Variants in PLCG1 observed in about 807,000 individuals in gnomAD.
The protein encoded by PLCG1 is phospholipase C gamma 1.
Under a neutral mutation model 177.8 loss-of-function variants are expected in PLCG1, and 71 were observed. The observed-to-expected ratio is 0.40, with a 90% CI of 0.33 to 0.49. The LOEUF (loss-of-function observed/expected upper bound fraction) is 0.49, where lower values mean the gene tolerates loss of function less well. Among genes scored for constraint, PLCG1 ranks in the 20% least tolerant of loss-of-function variants. The pLI is 0.72. For synonymous variants in PLCG1, 658 were observed against 647.9 expected (o/e 1.02, Z -0.24); for missense variants, 1,281 against 1,709.0 (o/e 0.75, Z 4.42).
chr20:41,145,346 A>G (rs751295952), intron 1 of PLCG1, among the ~76,000 whole-genome samples: 4 of 152,162 alleles, frequency 2.6e-5, no homozygotes, highest in Admixed American at 6.5e-5. Flanking sequence ...CTTAGGATGC[A>G]TGTGGTGAGT....
rs1443213731 is a variant in PLCG1 at position 41,172,618 on chromosome 20, C to T, written c.3103C>T (p.Leu1035Phe). The T allele has an allele frequency of 6.2e-7, 1 of 1,614,168 alleles. No individual in the cohort carries two copies. The highest frequency in any genetic ancestry group is 1.7e-5 in the Admixed American group (1 of 60,026). ...GCCCATGTGGATCTGTGGCAGTCAG[C>T]TTGTGGCCCTCAACTTCCAGACCCC... ...PLPMWICGSQ[L>F]VALNFQTPDK... The change falls in exon 26 of 32, where the codon CTT (leucine) becomes TTT (phenylalanine). Residue 1035 changes from leucine (L) to phenylalanine (F), a missense_variant. By Grantham distance (22) the Leu-to-Phe change is conservative. Coordinates refer to ENST00000685551, the MANE Select transcript of PLCG1 (RefSeq NM_002660.3). The surrounding 1 kb of genome is among the most constrained non-coding windows in gnomAD (Gnocchi z 7.0).
At chr20:41,149,066 A>G (rs2035084668) in intron 1 of PLCG1, among the ~76,000 whole-genome samples, 1 of 152,238 alleles carries the variant, frequency 6.6e-6, no homozygotes, top group East Asian at 1.9e-4. Flanking sequence ...AGCTTTATGC[A>G]ATGTCTATGC....
rs571499883 is a variant in PLCG1 at position 41,169,238 on chromosome 20, C to T, written c.2580+63C>T. 4.7e-5 allele frequency: 59 copies of T among 1,252,288 alleles called. No homozygotes were observed. In the African/African-American group the frequency reaches 7.3e-4, roughly 16 times the overall value. The allele number at this position is 1,252,288 out of a possible 1,614,324, so 77.6% of individuals were successfully genotyped here. A position where few individuals can be genotyped will look rare whatever the true frequency, so the allele number is the denominator to read the frequency against. ...TCCCAGATTCTCCTTGGCATGCCCCCATCACACAGTCCCAAGCACGCACGT... is the reference window on the plus strand; with the variant it reads ...TCCCAGATTCTCCTTGGCATGCCCCTATCACACAGTCCCAAGCACGCACGT... On this transcript the variant is annotated intron_variant, in intron 22 of 31. Transcript: ENST00000685551.
intron 1 of PLCG1, among the ~76,000 whole-genome samples, chr20:41,154,085 G>T (rs2146021003): frequency 6.6e-6 from 1 of 152,326 alleles, no homozygotes; most frequent in South Asian, 2.1e-4. Flanking sequence ...AATGAAGGAG[G>T]TGCCAGGAGT....
chr20:41,163,884 T>C lies in PLCG1; in HGVS notation c.1011-37T>C. The C allele has an allele frequency of 6.2e-7, 1 of 1,611,324 alleles. No individual in the cohort carries two copies. Among genetic ancestry groups the C allele is most frequent in the Non-Finnish European group, 8.5e-7 (1 of 1,177,518 alleles). On this transcript the variant is annotated intron_variant, in intron 10 of 31. Coordinates refer to ENST00000685551, the MANE Select transcript of PLCG1 (RefSeq NM_002660.3). This position sits in a 1 kb window ranked among gnomAD's most constrained non-coding sequence, Gnocchi z 5.2. ...CCAGCTTCTTCCCCAGGAGGGCCCA[T>C]CTGACCATACCTACCTGCCTCTCCT...
chr20:41,173,722 C>T lies in PLCG1; in HGVS notation c.3465C>T (p.Ala1155=). 6.2e-7 allele frequency: 1 copy of T among 1,614,178 alleles called. No individual in the cohort carries two copies. Among genetic ancestry groups the T allele is most frequent in the Non-Finnish European group, 8.5e-7 (1 of 1,180,026 alleles). ...FHFQISNPEF[A]FLRFVVYEED... ...TCCAGATCAGTAACCCTGAATTTGC[C>T]TTTCTGCGCTTCGTGGTGTATGAGG... is the stretch of plus-strand genomic sequence containing the variant. Residue 1155 remains alanine, a synonymous_variant, in exon 29 of 32, where the codon GCC becomes GCT. Transcript: ENST00000685551. The surrounding 1 kb of genome is among the most constrained non-coding windows in gnomAD (Gnocchi z 6.2).
intron 6 of PLCG1, 25 bp from the exon 7 acceptor site, chr20:41,162,933 C>T: frequency 6.2e-7 from 1 of 1,612,892 alleles, no homozygotes; most frequent in South Asian, 1.1e-5. Flanking sequence ...GGGGTCTTGC[C>T]CTGACCAGGT....
At chr20:41,149,336 A>G (rs1055493764) in intron 1 of PLCG1, among the ~76,000 whole-genome samples, 1 of 152,150 alleles carries the variant, frequency 6.6e-6, no homozygotes, top group Admixed American at 6.5e-5. Flanking sequence ...CGTATGGTTA[A>G]TTTTGAATAA....
chr20:41,173,630 C>A lies in PLCG1; in HGVS notation c.3395-22C>A. ...CATCCTCTCCCACGGTGACCTGAAG[C>A]CTTTTGTCGTTGCCTTCACAGTGGA... On this transcript the variant is annotated intron_variant, in intron 28 of 31. Transcript: ENST00000685551. The surrounding 1 kb of genome is among the most constrained non-coding windows in gnomAD (Gnocchi z 6.2). 3.1e-6 allele frequency: 5 copies of A among 1,614,152 alleles called. No individual in the cohort carries two copies. The South Asian group carries it at 4.4e-5, about 14-fold the overall frequency.
rs1198459976 is a variant in PLCG1, at chr20:41,162,725, G to A, written c.681G>A (p.Thr227=). Residue 227 remains threonine, a splice_region_variant and synonymous_variant, in exon 6 of 32, where the codon ACG becomes ACA. Transcript: ENST00000685551. Reference sequence around the variant, plus strand: ...GCCTCATGTACAGCGCCCAGAAGACGGTGCATGAGCCACCTGCCCTCCCTC... The same window carrying A: ...GCCTCATGTACAGCGCCCAGAAGACAGTGCATGAGCCACCTGCCCTCCCTC... ...YRSLMYSAQK[T]MDLPFLEAST... 1.2e-6 allele frequency: 2 copies of A among 1,610,002 alleles called. No individual in the cohort carries two copies. Among genetic ancestry groups the A allele is most frequent in the East Asian group, 2.2e-5 (1 of 44,812 alleles).
In PLCG1 at chr20:41,173,492, G is replaced by A; in HGVS notation, c.3352G>A (p.Gly1118Arg). ...TCCTTTTGTGGAGATTGAGGTGGCT[G>A]GAGCTGAGTATGACAGCACCAAGCA... ...VCPFVEIEVA[G>R]AEYDSTKQKT... Residue 1118 changes from glycine to arginine, a missense_variant, in exon 28 of 32, where the codon GGA (glycine) becomes AGA (arginine). Transcript: ENST00000685551. The surrounding 1 kb of genome is among the most constrained non-coding windows in gnomAD (Gnocchi z 6.2). The A allele has an allele frequency of 6.2e-7, 1 of 1,612,662 alleles. No individual in the cohort carries two copies. The highest frequency in any genetic ancestry group is 8.5e-7 in the Non-Finnish European group (1 of 1,179,414).
chr20:41,162,545 C>T lies in PLCG1; in HGVS notation c.597+9C>T, dbSNP rs755384885. On this transcript the variant is annotated intron_variant, in intron 5 of 31. Transcript: ENST00000685551. ...TCCGAGAGCGGCTGACGGTAAGTGC[C>T]ACCCAGGGCTGTCTGTAGATGGGGG... is the stretch of plus-strand genomic sequence containing the variant. 1 of 1,613,448 alleles carries T rather than the reference C, an allele frequency of 6.2e-7. No homozygotes were observed. The highest frequency in any genetic ancestry group is 8.5e-7 in the Non-Finnish European group (1 of 1,179,476).
Position 41,137,769 on chromosome 20 carries a change from C to T in PLCG1, c.128C>T (p.Ser43Leu). The change falls in exon 1 of 32, where the codon TCG becomes TTG. Residue 43 changes from serine (S) to leucine (L), a missense_variant. Physicochemically the swap from Ser to Leu is moderately radical, Grantham distance 145 (BLOSUM62 -2). Around this residue, in one of 4 missense-constraint regions of PLCG1, gnomAD observed 374 missense variants for 443.8 expected, o/e 0.84. Coordinates refer to ENST00000685551, the MANE Select transcript of PLCG1 (RefSeq NM_002660.3). The surrounding 1 kb of genome is among the most constrained non-coding windows in gnomAD (Gnocchi z 7.3). ...TVMTLFYSKK[S>L]QRPERKTFQV... ...ATGACTTTGTTCTACTCCAAGAAGT[C>T]GCAGCGACCCGAGCGGAAGACCTTC... 7.7e-7 allele frequency: 1 copy of T among 1,293,660 alleles called. No individual in the cohort carries two copies. Among genetic ancestry groups the T allele is most frequent in the Non-Finnish European group, 9.9e-7 (1 of 1,013,510 alleles). The allele number at this position is 1,293,660 out of a possible 1,614,324, so 80.1% of individuals were successfully genotyped here. A position where few individuals can be genotyped will look rare whatever the true frequency, so the allele number is the denominator to read the frequency against.
At chr20:41,170,490 G>A (rs143198970) in intron 24 of PLCG1, 13 of 543,982 alleles carry the variant, frequency 2.4e-5, no homozygotes, top group African/African-American at 1.1e-4. Context: ...CTGATGGGTC[G>A]TTGAAGTGGG....
Position 41,167,169 on chromosome 20 carries a change from G to A in PLCG1, c.2301+310G>A, listed in dbSNP as rs773908528. ...ACACAGTGGAAACTCATCCACCTGG[G>A]CTTGGCCTGGACTCTGTCCTAGGGC... On this transcript the variant is annotated intron_variant, in intron 19 of 31. Transcript: ENST00000685551. This position sits in a 1 kb window ranked among gnomAD's most constrained non-coding sequence, Gnocchi z 4.4. Among the ~76,000 whole-genome samples, 1 of 152,178 alleles carries A rather than the reference G, an allele frequency of 6.6e-6. No homozygotes were observed. Among genetic ancestry groups the A allele is most frequent in the Non-Finnish European group, 1.5e-5 (1 of 68,012 alleles).
intron 4 of PLCG1, among the ~76,000 whole-genome samples, chr20:41,161,831 C>T (rs35975751): frequency 5.9e-5 from 9 of 152,100 alleles, no homozygotes; most frequent in Non-Finnish European, 1.0e-4. Flanking sequence ...GGGCAGGACA[C>T]CCCTGGAGAG....
intron 1 of PLCG1, among the ~76,000 whole-genome samples, chr20:41,155,496 G>C (rs1268161134): frequency 1.3e-5 from 2 of 152,190 alleles, no homozygotes; most frequent in South Asian, 2.1e-4. Context: ...TGCTGGTGGG[G>C]CACTGCAGGC....
rs1218260991 is a variant in PLCG1, at chr20:41,158,000, G to C, written c.218-1606G>C. ...AGGATGGCTGATGGGTGAGAACCAG[G>C]GGTCAGGGAAAACAGCAGAAAAGGC... On this transcript the variant is annotated intron_variant, in intron 1 of 31. Transcript: ENST00000685551. This position sits in a 1 kb window ranked among gnomAD's most constrained non-coding sequence, Gnocchi z 5.4. Among the ~76,000 whole-genome samples, 2 of 152,170 alleles carry C rather than the reference G, an allele frequency of 1.3e-5. No homozygotes were observed. The highest frequency in any genetic ancestry group is 6.5e-5 in the Admixed American group (1 of 15,278).
intron 22 of PLCG1, 64 bp downstream of exon 22, chr20:41,169,239 A>C: frequency 1.6e-6 from 2 of 1,244,134 alleles, no homozygotes; most frequent in Admixed American, 1.8e-5. Context: ...GCATGCCCCC[A>C]TCACACAGTC....
Sources: allele counts gnomAD v4.1 joint callset (sites outside exome capture counted in the v4.1 genomes callset), GRCh38; gene constraint gnomAD v4.1.1; regional missense constraint gnomAD v4.1.1; non-coding constraint Gnocchi (gnomAD v3.1); transcripts MANE v1.5; gene names NCBI Gene and HGNC (gene_info 2026-07-23, HGNC 2026-07-21).